The following N4BP2 variants were observed in gnomAD, a reference collection of about 807,000 sequenced individuals.
N4BP2 encodes NEDD4 binding protein 2.
A neutral mutation model predicts 152.8 loss-of-function variants in N4BP2; 91 were observed. That is an observed-to-expected ratio of 0.60 (90% CI 0.50 to 0.71). N4BP2 has a LOEUF of 0.71. Among genes scored for constraint, N4BP2 ranks in the 30% least tolerant of loss-of-function variants. The pLI, the probability that N4BP2 is intolerant of heterozygous loss-of-function variation, is 0.00. For missense variants in N4BP2, 1,923 were observed against 2,059.1 expected, an observed-to-expected ratio of 0.93 and a Z score of 1.28; for synonymous variants, 646 against 705.3, an observed-to-expected ratio of 0.92 and a Z score of 1.33.
the N4BP2 span, among the ~76,000 whole-genome samples, chr4:40,187,801 C>T: frequency 1.3e-5 from 2 of 152,182 alleles, no homozygotes; most frequent in South Asian, 2.1e-4. Flanking sequence ...TCACACATGT[C>T]GTTCACATCA....
chr4:40,134,957 T>TTTATTTTTC (rs1719245530), intron 13 of N4BP2, among the ~76,000 whole-genome samples: 1 of 150,360 alleles, frequency 6.7e-6, no homozygotes, highest in Admixed American at 6.7e-5. Flanking sequence ...TTTTATTTTT[T>TTTATTTTTC]ATTATTATAC....
chr4:40,129,957 T>C (rs1459770972), intron 12 of N4BP2, among the ~76,000 whole-genome samples: 3 of 152,220 alleles, frequency 2.0e-5, no homozygotes, highest in Non-Finnish European at 4.4e-5. Context: ...GTTTAGAAAC[T>C]TTGACCCGAT....
At chr4:40,113,923 A>G (rs777558182) in intron 7 of N4BP2, among the ~76,000 whole-genome samples, 9 of 152,160 alleles carry the variant, frequency 5.9e-5, no homozygotes, top group Non-Finnish European at 1.0e-4. Context: ...ATATGTTAAT[A>G]TCTAAAGCTA....
chr4:40,077,761 C>T (rs1036967720), intron 2 of N4BP2: 1 of 152,116 alleles, frequency 6.6e-6, no homozygotes, highest in Non-Finnish European at 1.5e-5. Context: ...GCCAGAATAT[C>T]TTTTTTGATT....
At position 40,126,382 on chromosome 4, in the gene N4BP2, G is replaced by A. The variant is rs113593567; in HGVS notation, c.4527+52G>A. 1.5e-3 allele frequency: 1,281 copies of A among 856,360 alleles called. 15 individuals carry two copies. In the African/African-American group the frequency reaches 0.021, roughly 14 times the overall value. 53.0% of individuals were successfully genotyped at this position (856,360 alleles called of 1,614,324 possible). A position where few individuals can be genotyped will look rare whatever the true frequency, so the allele number is the denominator to read the frequency against. ...ACTGTCTCTGATTCTGGTTTATTGTGTATGTTTACTTTGTGATTTTTTCAA... is the reference window on the plus strand; with the variant it reads ...ACTGTCTCTGATTCTGGTTTATTGTATATGTTTACTTTGTGATTTTTTCAA... On this transcript the variant is annotated intron_variant, in intron 12 of 17. Coordinates refer to ENST00000261435, the MANE Select transcript of N4BP2 (RefSeq NM_018177.6).
intron 1 of N4BP2, among the ~76,000 whole-genome samples, chr4:40,069,278 A>G (rs1711900196): frequency 6.6e-6 from 1 of 152,070 alleles, no homozygotes; most frequent in Admixed American, 6.6e-5. Flanking sequence ...TTTCTACAAA[A>G]AAATGCAAAA....
intron 14 of N4BP2, among the ~76,000 whole-genome samples, chr4:40,141,213 G>A (rs1171990674): frequency 1.5e-5 from 2 of 137,326 alleles, no homozygotes; most frequent in East Asian, 2.3e-4. Context: ...CTGGCCTGGC[G>A]GGGGGCTGAC....
chr4:40,127,214 CT>C (rs1054652012), intron 12 of N4BP2, among the ~76,000 whole-genome samples: 2 of 151,192 alleles, frequency 1.3e-5, no homozygotes, highest in African/African-American at 4.9e-5. Context: ...TTCTTTTTTT[CT>C]TTTTTTTAAT....
chr4:40,124,096 C>T (rs542172889), intron 10 of N4BP2, 64 bp from the exon 11 acceptor site: 1 of 1,218,712 alleles, frequency 8.2e-7, no homozygotes, highest in African/African-American at 1.5e-5. Context: ...ATAATATAAC[C>T]TTGTATCCTT....
downstream of N4BP2, among the ~76,000 whole-genome samples, chr4:40,159,636 A>T (rs1721802721): frequency 1.3e-5 from 2 of 152,194 alleles, no homozygotes; most frequent in African/African-American, 4.8e-5. Context: ...CGTCCTATTG[A>T]CCAGAACCTA....
chr4:40,152,943 A>G (rs1183329810), intron 17 of N4BP2, 40 bp downstream of exon 17: 6 of 1,599,110 alleles, frequency 3.8e-6, no homozygotes, highest in African/African-American at 2.7e-5. Flanking sequence ...GCAACTGCCC[A>G]TATAGATCTT....
At chr4:40,179,139 CG>C in the N4BP2 span, among the ~76,000 whole-genome samples, 22 of 152,100 alleles carry the variant, frequency 1.4e-4, no homozygotes, top group East Asian at 4.1e-3. Flanking sequence ...GAGGCCGAGG[CG>C]GGCAGATCAC....
chr4:40,066,895 A>C (rs1370198255), intron 1 of N4BP2, among the ~76,000 whole-genome samples: 1 of 151,844 alleles, frequency 6.6e-6, no homozygotes, highest in South Asian at 2.1e-4. Flanking sequence ...CCACGATTCT[A>C]CTTTCTGTGT....
intron 16 of N4BP2, among the ~76,000 whole-genome samples, chr4:40,148,315 G>T (rs1483352182): frequency 6.6e-6 from 1 of 152,218 alleles, no homozygotes; most frequent in Admixed American, 6.5e-5. Flanking sequence ...GTCACGCATG[G>T]CGGCGCGCGC....
intron 16 of N4BP2, among the ~76,000 whole-genome samples, chr4:40,148,415 C>T (rs1015764580): frequency 6.8e-5 from 10 of 146,142 alleles, no homozygotes; most frequent in South Asian, 2.2e-4. Context: ...AGTCCAGCTT[C>T]GGCTCGGCAT....
chr4:40,142,332 G>T, intron 14 of N4BP2: 1 of 322,336 alleles, frequency 3.1e-6, no homozygotes, highest in Non-Finnish European at 6.1e-6. Context: ...CTGGAGTTGG[G>T]CTGGGGGTGA....
At chr4:40,103,544 A>G (rs1715914706) in intron 4 of N4BP2, among the ~76,000 whole-genome samples, 1 of 152,216 alleles carries the variant, frequency 6.6e-6, no homozygotes, top group Non-Finnish European at 1.5e-5. Flanking sequence ...ACAGAGTTAA[A>G]GAGATATAAT....
chr4:40,176,355 G>A, the N4BP2 span, among the ~76,000 whole-genome samples: 1 of 152,128 alleles, frequency 6.6e-6, no homozygotes, highest in Non-Finnish European at 1.5e-5. Context: ...CATTCATGCT[G>A]ATCAAAATCT....
Position 40,107,035 on chromosome 4 carries a change from A to T in N4BP2, c.1498+11A>T, listed in dbSNP as rs1353652132. 1 of 1,610,724 alleles carries T rather than the reference A, an allele frequency of 6.2e-7. No individual in the cohort carries two copies. Among genetic ancestry groups the T allele is most frequent in the Non-Finnish European group, 8.5e-7 (1 of 1,178,836 alleles). Reference sequence around the variant, plus strand: ...GGAACCAGAATCGTGGTAAGAACAGATAATCAGATTCTGGGTAACGTTATG... The same window carrying T: ...GGAACCAGAATCGTGGTAAGAACAGTTAATCAGATTCTGGGTAACGTTATG... On this transcript the variant is annotated intron_variant, in intron 5 of 17. Transcript: ENST00000261435.
Sources: allele counts gnomAD v4.1 joint callset (sites outside exome capture counted in the v4.1 genomes callset), GRCh38; gene constraint gnomAD v4.1.1; transcripts MANE v1.5; gene names NCBI Gene and HGNC (gene_info 2026-07-23, HGNC 2026-07-21).